NRG3: variants seen among roughly 807,000 people sequenced by gnomAD.
NRG3 encodes neuregulin 3, also known as pro-neuregulin-3, membrane-bound isoform.
A neutral mutation model predicts 66.9 loss-of-function variants in NRG3; 31 were observed. The ratio of observed to expected loss-of-function variants is 0.46; its 90% CI spans 0.35 to 0.63. The LOEUF (loss-of-function observed/expected upper bound fraction) is 0.63. Ranked by LOEUF, NRG3 falls within the 20% of genes least tolerant of loss-of-function variation. The pLI, the probability that NRG3 is intolerant of heterozygous loss-of-function variation, is 0.00. For synonymous variants in NRG3, 393 were observed against 359.4 expected (o/e 1.09, Z -1.06); for missense variants, 910 against 878.9 (o/e 1.04, Z -0.45).
chr10:82,345,658 A>G (rs2082968013), intron 1 of NRG3, among the ~76,000 whole-genome samples: 1 of 151,524 alleles, frequency 6.6e-6, no homozygotes, highest in South Asian at 2.1e-4. Flanking sequence ...CTTGGGCAGT[A>G]TGGCCATTTT....
intron 1 of NRG3, among the ~76,000 whole-genome samples, chr10:82,314,767 G>A (rs1338227282): frequency 2.0e-5 from 3 of 152,140 alleles, no homozygotes; most frequent in East Asian, 1.9e-4. Flanking sequence ...CTGAGATCTC[G>A]CCACTGCACT....
At chr10:82,628,367 A>G (rs1371883901) in intron 2 of NRG3, among the ~76,000 whole-genome samples, 1 of 152,136 alleles carries the variant, frequency 6.6e-6, no homozygotes, top group Non-Finnish European at 1.5e-5. Context: ...TGGTAAGAAC[A>G]TCCAGATTCT....
At chr10:82,028,640 T>C (rs1414952682) in intron 1 of NRG3, among the ~76,000 whole-genome samples, 1 of 152,086 alleles carries the variant, frequency 6.6e-6, no homozygotes, top group Non-Finnish European at 1.5e-5. Flanking sequence ...CATTCTGCCC[T>C]CAGATCAGCA....
chr10:82,705,214 G>A (rs770809145), intron 2 of NRG3, among the ~76,000 whole-genome samples: 2 of 152,172 alleles, frequency 1.3e-5, no homozygotes, highest in Non-Finnish European at 2.9e-5. Flanking sequence ...CTCTGGACTG[G>A]TGCTTCTCAA....
chr10:82,174,376 A>T (rs988946), intron 1 of NRG3, among the ~76,000 whole-genome samples: 20 of 151,638 alleles, frequency 1.3e-4, no homozygotes, highest in Middle Eastern at 3.4e-3. Flanking sequence ...CTTTATGCAC[A>T]TGTTTTTTTC....
chr10:82,238,487 G>A (rs1403642565), intron 1 of NRG3, among the ~76,000 whole-genome samples: 1 of 152,124 alleles, frequency 6.6e-6, no homozygotes, highest in African/African-American at 2.4e-5. Flanking sequence ...TGACTGTAAG[G>A]ATTTGATTGC....
At chr10:82,165,016 G>T (rs1364663033) in intron 1 of NRG3, among the ~76,000 whole-genome samples, 1 of 151,838 alleles carries the variant, frequency 6.6e-6, no homozygotes, top group East Asian at 1.9e-4. Context: ...ATTAAAACAT[G>T]GTATGTGCAT....
chr10:81,920,693 A>C (rs1390430895), intron 1 of NRG3, among the ~76,000 whole-genome samples: 1 of 152,206 alleles, frequency 6.6e-6, no homozygotes, highest in Non-Finnish European at 1.5e-5. Flanking sequence ...CCAAATTTAT[A>C]ATATTATGAA....
intron 2 of NRG3, among the ~76,000 whole-genome samples, chr10:82,560,778 C>G (rs951415228): frequency 6.6e-6 from 1 of 150,532 alleles, no homozygotes; most frequent in Non-Finnish European, 1.5e-5. Context: ...AGTATTTCCT[C>G]TTTTTCTATT....
At chr10:82,319,388 T>G (rs972407654) in intron 1 of NRG3, among the ~76,000 whole-genome samples, 1 of 152,220 alleles carries the variant, frequency 6.6e-6, no homozygotes, top group African/African-American at 2.4e-5. Flanking sequence ...ATGAGGCTGT[T>G]GTATGCATAA....
chr10:82,672,688 CCT>C (rs2053375925), intron 2 of NRG3, among the ~76,000 whole-genome samples: 1 of 152,210 alleles, frequency 6.6e-6, no homozygotes, highest in Non-Finnish European at 1.5e-5. Context: ...CAATTCCAGG[CCT>C]GGGCCCCTGC....
intron 1 of NRG3, among the ~76,000 whole-genome samples, chr10:82,087,021 G>A (rs2065766662): frequency 6.6e-6 from 1 of 152,068 alleles, no homozygotes; most frequent in East Asian, 1.9e-4. Flanking sequence ...CTATAAGAGA[G>A]GGTGAACTTT....
chr10:82,917,970 G>GTATATATATATATATA (rs1171736937), intron 4 of NRG3, among the ~76,000 whole-genome samples: 3 of 113,986 alleles, frequency 2.6e-5, no homozygotes, highest in South Asian at 3.2e-4. Flanking sequence ...GTGTGTGTGT[G>GTATATATATATATATA]TATATATATA....
chr10:82,049,224 A>C (rs1451501241), intron 1 of NRG3, among the ~76,000 whole-genome samples: 2 of 152,104 alleles, frequency 1.3e-5, no homozygotes, highest in African/African-American at 4.8e-5. Context: ...GGCTTTGATA[A>C]TTGTTTCACT....
chr10:81,928,336 C>T (rs1439147361), intron 1 of NRG3, among the ~76,000 whole-genome samples: 5 of 152,146 alleles, frequency 3.3e-5, no homozygotes, highest in Admixed American at 3.3e-4. Flanking sequence ...AAGAGTCACT[C>T]CACCTCCCTC....
intron 3 of NRG3, among the ~76,000 whole-genome samples, chr10:82,780,930 T>A (rs561575014): frequency 6.6e-6 from 1 of 152,276 alleles, no homozygotes; most frequent in South Asian, 2.1e-4. Context: ...TTGTAAAGGT[T>A]GGGGAACTTT....
chr10:82,029,278 A>T (rs2132858735), intron 1 of NRG3, among the ~76,000 whole-genome samples: 1 of 152,196 alleles, frequency 6.6e-6, no homozygotes, highest in South Asian at 2.1e-4. Flanking sequence ...GCTGTGGAGA[A>T]ATTTAGTTAA....
At chr10:82,749,573 T>C (rs935390213) in intron 3 of NRG3, among the ~76,000 whole-genome samples, 3 of 152,168 alleles carry the variant, frequency 2.0e-5, no homozygotes, top group African/African-American at 7.2e-5. Flanking sequence ...TTGTAGTGTA[T>C]TTCTACCTTT....
intron 2 of NRG3, among the ~76,000 whole-genome samples, chr10:82,716,999 T>C (rs2057011201): frequency 6.6e-6 from 1 of 152,210 alleles, no homozygotes; most frequent in Non-Finnish European, 1.5e-5. Flanking sequence ...TAATATGGAA[T>C]TGTATAGTCT....
Sources: allele counts gnomAD v4.1 joint callset (sites outside exome capture counted in the v4.1 genomes callset), GRCh38; gene constraint gnomAD v4.1.1; transcripts MANE v1.5; gene names NCBI Gene and HGNC (gene_info 2026-07-23, HGNC 2026-07-21).